Variants in SHPRH observed in about 807,000 individuals in gnomAD.
SHPRH encodes SNF2 histone linker PHD RING helicase, also known as E3 ubiquitin-protein ligase SHPRH.
Under a neutral mutation model 202.5 loss-of-function variants are expected in SHPRH, and 106 were observed. The observed-to-expected ratio is 0.52, with a 90% confidence interval of 0.45 to 0.62. The LOEUF (loss-of-function observed/expected upper bound fraction) is 0.62. SHPRH is among the 20% of genes least tolerant of loss of function. The probability of loss-of-function intolerance (pLI) is 0.00; values close to 1 mark genes in which losing one functional copy is unlikely to be tolerated. For missense variants in SHPRH, 1,710 were observed against 2,020.0 expected (o/e 0.85, Z 2.94); for synonymous variants, 729 against 686.0 (o/e 1.06, Z -0.98).
chr6:145,862,955 T>C (rs1283894682), downstream of SHPRH, among the ~76,000 whole-genome samples: 1 of 152,232 alleles, frequency 6.6e-6, no homozygotes, highest in African/African-American at 2.4e-5. Flanking sequence ...TGACACATAG[T>C]ATATGCTCAG....
At chr6:145,958,623 A>G (rs1295988342) in intron 1 of SHPRH, among the ~76,000 whole-genome samples, 2 of 152,150 alleles carry the variant, frequency 1.3e-5, no homozygotes, top group Non-Finnish European at 2.9e-5. Context: ...TGGCACCTCC[A>G]AGGAAGTAGT....
chr6:145,949,085 T>TA (rs1787707015), intron 4 of SHPRH, among the ~76,000 whole-genome samples: 1 of 152,018 alleles, frequency 6.6e-6, no homozygotes, highest in African/African-American at 2.4e-5. Flanking sequence ...ACGAAGCCAG[T>TA]AAAAAGGGAA....
intron 5 of SHPRH, 91 bp downstream of exon 5, chr6:145,948,179 TAG>T (rs1787594018): frequency 1.2e-6 from 1 of 864,308 alleles, no homozygotes; most frequent in South Asian, 2.1e-5. Flanking sequence ...CTTCATGAGG[TAG>T]AGTCAAAGTT....
intron 18 of SHPRH, 83 bp downstream of exon 18, chr6:145,923,560 A>G: frequency 6.6e-7 from 1 of 1,524,604 alleles, no homozygotes; most frequent in Non-Finnish European, 8.8e-7. Flanking sequence ...GCCGGTAATA[A>G]TGAGAAATTA....
At chr6:145,878,267 C>T (rs1305024159) in intron 2 of SHPRH, among the ~76,000 whole-genome samples, 2 of 152,194 alleles carry the variant, frequency 1.3e-5, no homozygotes, top group Non-Finnish European at 2.9e-5. Flanking sequence ...CAATATCCCA[C>T]ATCACAGTTG....
chr6:145,890,959 C>T (rs985862188), intron 28 of SHPRH, among the ~76,000 whole-genome samples: 1 of 152,166 alleles, frequency 6.6e-6, no homozygotes, highest in Admixed American at 6.6e-5. Flanking sequence ...ATGGTCAGGT[C>T]ACCTTCAGCT....
chr6:145,925,341 T>TACACAC (rs10631165), intron 16 of SHPRH, among the ~76,000 whole-genome samples: 15,015 of 145,242 alleles, frequency 0.1, 922 homozygotes, highest in African/African-American at 0.17. Flanking sequence ...ATGTTCTCAC[T>TACACAC]ACACACACAC....
At chr6:145,918,901 G>A in intron 22 of SHPRH, 1 of 153,758 alleles carries the variant, frequency 6.5e-6, no homozygotes, top group Non-Finnish European at 1.4e-5. Context: ...GAGTTACAAA[G>A]ACAAAGTTAT....
chr6:145,872,334 T>TA (rs1780093260), intron 2 of SHPRH, among the ~76,000 whole-genome samples: 2 of 151,950 alleles, frequency 1.3e-5, no homozygotes, highest in Non-Finnish European at 2.9e-5. Context: ...ATAAGGAACT[T>TA]AAACAAATTT....
At chr6:145,963,428 C>T (rs1291009024) in intron 1 of SHPRH, among the ~76,000 whole-genome samples, 6 of 152,172 alleles carry the variant, frequency 3.9e-5, no homozygotes, top group Admixed American at 3.9e-4. Flanking sequence ...TGTCAAACTA[C>T]TTGGAAAAAG....
intron 11 of SHPRH, 107 bp downstream of exon 11, chr6:145,940,616 C>A: frequency 2.0e-6 from 2 of 1,018,352 alleles, no homozygotes; most frequent in Non-Finnish European, 2.9e-6. Flanking sequence ...AGACATGAAT[C>A]ATCACTTCAA....
chr6:145,934,874 C>A, intron 13 of SHPRH, 33 bp downstream of exon 13: 2 of 1,572,740 alleles, frequency 1.3e-6, no homozygotes, highest in Non-Finnish European at 1.7e-6. Flanking sequence ...TATGATATAC[C>A]AACTGCAATT....
intron 8 of SHPRH, 113 bp from the exon 9 acceptor site, chr6:145,943,915 C>T: frequency 9.7e-7 from 1 of 1,026,732 alleles, no homozygotes; most frequent in African/African-American, 1.6e-5. Flanking sequence ...CTTTGCTACC[C>T]TTTTCCCTGA....
At chr6:145,891,350 C>T (rs1180877328) in intron 28 of SHPRH, among the ~76,000 whole-genome samples, 1 of 152,140 alleles carries the variant, frequency 6.6e-6, no homozygotes, top group Admixed American at 6.6e-5. Context: ...ACTAACTTTC[C>T]CATTTTCCCA....
At chr6:145,957,739 G>A (rs1788653735) in intron 1 of SHPRH, among the ~76,000 whole-genome samples, 1 of 152,076 alleles carries the variant, frequency 6.6e-6, no homozygotes, top group Non-Finnish European at 1.5e-5. Context: ...TCCAACATTT[G>A]AACACAGCAC....
chr6:145,922,186 T>C, intron 20 of SHPRH, 100 bp downstream of exon 20: 1 of 992,984 alleles, frequency 1.0e-6, no homozygotes, highest in Non-Finnish European at 1.5e-6. Flanking sequence ...AACAATATAA[T>C]AAAGGTTACT....
Position 145,943,617 on chromosome 6 carries a change from T to C in SHPRH, c.1764A>G (p.Lys588=), listed in dbSNP as rs1414555677. ...AATCGGGATTGATAAATGGTTGACTTTTTCCTTTTTTTGTGGATGGAACAA... is the reference window on the plus strand; with the variant it reads ...AATCGGGATTGATAAATGGTTGACTCTTTCCTTTTTTTGTGGATGGAACAA... ...KKLVPSTKKG[K]SQPFINPDSQ... is the part of the protein sequence containing the mutation. The change falls in exon 9 of 30, where the codon AAA becomes AAG. Residue 588 remains lysine, a synonymous_variant. Transcript: ENST00000275233. 1.2e-6 allele frequency: 2 copies of C among 1,613,862 alleles called. No homozygotes were observed. Among genetic ancestry groups the C allele is most frequent in the Admixed American group, 1.7e-5 (1 of 59,964 alleles).
chr6:145,962,827 A>G (rs1014416181), intron 1 of SHPRH, among the ~76,000 whole-genome samples: 87 of 152,314 alleles, frequency 5.7e-4, no homozygotes, highest in African/African-American at 2.0e-3. Flanking sequence ...GGTTAACATA[A>G]TCTTTTCCTT....
rs1378750988 is a variant in SHPRH, at chr6:145,913,569, A to C, written c.4255-20T>G. On this transcript the variant is annotated intron_variant, in intron 23 of 29. Transcript: ENST00000275233. ...TTGAGACTATCCAAAAAAGAATTAA[A>C]AAATATATTAGTTACGTTTTTACAT... The C allele has an allele frequency of 6.3e-7, 1 of 1,590,386 alleles. No individual in the cohort carries two copies. The highest frequency in any genetic ancestry group is 1.1e-5 in the South Asian group (1 of 87,108).
Sources: gnomAD v4.1 joint callset for allele counts (sites outside exome capture counted in the v4.1 genomes callset) on GRCh38, gnomAD v4.1.1 for gene constraint, MANE v1.5 for transcripts, NCBI Gene and HGNC (gene_info 2026-07-23, HGNC 2026-07-21) for gene names.